FGGY: variants seen among roughly 807,000 people sequenced by gnomAD.
The protein encoded by FGGY is FGGY carbohydrate kinase domain-containing protein.
A neutral mutation model predicts 71.3 loss-of-function variants in FGGY; 72 were observed. The observed-to-expected ratio is 1.01, with a 90% CI of 0.84 to 1.23. The LOEUF (loss-of-function observed/expected upper bound fraction) is 1.23, where lower values mean the gene tolerates loss of function less well. Among genes scored for constraint, FGGY ranks in the 50% most tolerant of loss-of-function variants. The probability of loss-of-function intolerance (pLI) is 0.00; values close to 1 mark genes in which losing one functional copy is unlikely to be tolerated. For missense variants in FGGY, 668 were observed against 682.3 expected, an observed-to-expected ratio of 0.98 and a Z score of 0.23; for synonymous variants, 251 against 250.3, an observed-to-expected ratio of 1.00 and a Z score of -0.02.
chr1:59,423,209 G>A (rs888511428), intron 5 of FGGY, among the ~76,000 whole-genome samples: 4 of 152,176 alleles, frequency 2.6e-5, no homozygotes, highest in South Asian at 2.1e-4. Flanking sequence ...AGGTCCCACC[G>A]AAAGCCTTTG....
intron 11 of FGGY, among the ~76,000 whole-genome samples, chr1:59,646,574 A>G (rs562379798): frequency 4.0e-4 from 61 of 151,580 alleles, no homozygotes; most frequent in African/African-American, 1.4e-3. Context: ...AAAAATATAT[A>G]TATTTTACTG....
chr1:59,544,050 G>C (rs1014673286), intron 7 of FGGY, among the ~76,000 whole-genome samples: 8 of 152,284 alleles, frequency 5.3e-5, no homozygotes, highest in African/African-American at 1.9e-4. Flanking sequence ...TAAGCTGGGG[G>C]GTTTCCTTGG....
At chr1:59,625,119 A>G (rs1465657651) in intron 9 of FGGY, among the ~76,000 whole-genome samples, 1 of 152,164 alleles carries the variant, frequency 6.6e-6, no homozygotes, top group Middle Eastern at 3.2e-3. Flanking sequence ...TTGGAATGAA[A>G]ATAAATCTAT....
chr1:59,361,086 T>C (rs1175480998), intron 4 of FGGY, among the ~76,000 whole-genome samples: 2 of 152,236 alleles, frequency 1.3e-5, no homozygotes, highest in Non-Finnish European at 2.9e-5. Context: ...TTACAGGGTG[T>C]CCTTCACAAA....
intron 7 of FGGY, among the ~76,000 whole-genome samples, chr1:59,527,527 A>G (rs555920765): frequency 1.2e-4 from 18 of 152,040 alleles, no homozygotes; most frequent in Non-Finnish European, 2.2e-4. Flanking sequence ...TCTTCACCCC[A>G]TTGTCTCTTC....
intron 9 of FGGY, among the ~76,000 whole-genome samples, chr1:59,621,187 G>A (rs2096802756): frequency 6.6e-6 from 1 of 151,892 alleles, no homozygotes; most frequent in South Asian, 2.1e-4. Context: ...ACTGTCATGA[G>A]CTGTTTAACC....
chr1:59,535,025 A>G (rs371365993), intron 7 of FGGY, among the ~76,000 whole-genome samples: 1 of 152,038 alleles, frequency 6.6e-6, no homozygotes, highest in African/African-American at 2.4e-5. Flanking sequence ...CAATTAAAAG[A>G]CACAGACTGG....
intron 6 of FGGY, among the ~76,000 whole-genome samples, chr1:59,458,629 A>G (rs1015637012): frequency 3.3e-4 from 50 of 152,370 alleles, no homozygotes; most frequent in Non-Finnish European, 5.9e-4. Context: ...CATAATGTTA[A>G]TCTAGCAGAA....
intron 2 of FGGY, among the ~76,000 whole-genome samples, chr1:59,337,159 T>C (rs2049767484): frequency 6.6e-6 from 1 of 151,568 alleles, no homozygotes; most frequent in Non-Finnish European, 1.5e-5. Flanking sequence ...ATGCCAGTAG[T>C]GTGGCTCAGT....
chr1:59,649,860 C>T (rs2097139219), intron 11 of FGGY, among the ~76,000 whole-genome samples: 1 of 140,306 alleles, frequency 7.1e-6, no homozygotes, highest in African/African-American at 3.0e-5. Flanking sequence ...CAGTTTTTGC[C>T]CATTCAGTAT....
chr1:59,525,547 C>T (rs931927262), intron 7 of FGGY, among the ~76,000 whole-genome samples: 1 of 152,148 alleles, frequency 6.6e-6, no homozygotes, highest in Non-Finnish European at 1.5e-5. Context: ...TAATGTCTGG[C>T]CATACTCTGT....
chr1:59,687,524 TG>T (rs1317020134), intron 14 of FGGY, among the ~76,000 whole-genome samples: 1 of 151,896 alleles, frequency 6.6e-6, no homozygotes, highest in Non-Finnish European at 1.5e-5. Flanking sequence ...TGGAGTGCAG[TG>T]GCACAATCTC....
At chr1:59,493,852 C>T (rs926092685) in intron 6 of FGGY, among the ~76,000 whole-genome samples, 3 of 151,984 alleles carry the variant, frequency 2.0e-5, no homozygotes, top group East Asian at 1.9e-4. Flanking sequence ...AAAATAATTC[C>T]ACTTTACATT....
At chr1:59,694,946 G>A (rs1306740966) in intron 14 of FGGY, among the ~76,000 whole-genome samples, 3 of 152,146 alleles carry the variant, frequency 2.0e-5, no homozygotes, top group Non-Finnish European at 2.9e-5. Context: ...CTTGATCGAA[G>A]AATTAGTTTT....
intron 11 of FGGY, among the ~76,000 whole-genome samples, chr1:59,645,955 A>T (rs2097090294): frequency 6.6e-6 from 1 of 152,236 alleles, no homozygotes; most frequent in Admixed American, 6.5e-5. Context: ...TGCTGCTCCA[A>T]CAACTCTTCA....
chr1:59,751,158 C>T (rs149256761), intron 14 of FGGY, among the ~76,000 whole-genome samples: 2,590 of 152,172 alleles, frequency 0.017, 43 homozygotes, highest in Middle Eastern at 0.041. Flanking sequence ...GGCTTTATGA[C>T]CTTGGGAAAA....
chr1:59,534,705 C>T (rs1488487087), intron 7 of FGGY, among the ~76,000 whole-genome samples: 7 of 151,210 alleles, frequency 4.6e-5, no homozygotes, highest in Middle Eastern at 3.4e-3. Flanking sequence ...GAATTTTCAA[C>T]CCAGAATTTC....
chr1:59,479,290 T>G, intron 6 of FGGY, among the ~76,000 whole-genome samples: 1 of 150,760 alleles, frequency 6.6e-6, no homozygotes. Context: ...GAGAGAGAGA[T>G]GGGGTGGTCA....
intron 5 of FGGY, among the ~76,000 whole-genome samples, chr1:59,409,598 T>TATATATATATATATA (rs1553185795): frequency 1.4e-4 from 15 of 105,758 alleles, no homozygotes; most frequent in African/African-American, 4.0e-4. Context: ...GAAGAGTTTT[T>TATATATATATATATA]TATATATATA....
Sources: gnomAD v4.1 joint callset for allele counts (sites outside exome capture counted in the v4.1 genomes callset) on GRCh38, gnomAD v4.1.1 for gene constraint, MANE v1.5 for transcripts, NCBI Gene and HGNC (gene_info 2026-07-23, HGNC 2026-07-21) for gene names.